Variants in KDM4C observed in about 807,000 individuals in gnomAD.
KDM4C encodes the protein lysine-specific demethylase 4C.
Under a neutral mutation model 129.3 loss-of-function variants are expected in KDM4C, and 81 were observed. That is an observed-to-expected ratio of 0.63 (90% CI 0.52 to 0.75). The LOEUF is 0.75. KDM4C is among the 30% of genes least tolerant of loss of function. The pLI, the probability that KDM4C is intolerant of heterozygous loss-of-function variation, is 0.00. For synonymous variants in KDM4C, 573 were observed against 456.1 expected, an observed-to-expected ratio of 1.26 and a Z score of -3.26; for missense variants, 1,457 against 1,304.0, an observed-to-expected ratio of 1.12 and a Z score of -1.81.
chr9:6,942,376 T>G (rs1826121507), intron 8 of KDM4C: 1 of 151,606 alleles, frequency 6.6e-6, no homozygotes. Flanking sequence ...GGTTGTAAGG[T>G]ACTGAGGCCA....
intron 12 of KDM4C, among the ~76,000 whole-genome samples, chr9:7,007,252 G>T (rs1023994186): frequency 6.6e-6 from 1 of 152,172 alleles, no homozygotes; most frequent in Non-Finnish European, 1.5e-5. Flanking sequence ...TTGTATTTAG[G>T]CTCATGGTTT....
At chr9:6,761,492 A>G (rs1819486633) in intron 1 of KDM4C, among the ~76,000 whole-genome samples, 1 of 152,004 alleles carries the variant, frequency 6.6e-6, no homozygotes, top group South Asian at 2.1e-4. Flanking sequence ...ACATGCCATC[A>G]TGCCTGGCTG....
chr9:7,030,776 A>G (rs1197126152), intron 15 of KDM4C, among the ~76,000 whole-genome samples: 2 of 152,202 alleles, frequency 1.3e-5, no homozygotes, highest in African/African-American at 4.8e-5. Flanking sequence ...TGATAGTAAT[A>G]TAGTACAACA....
At chr9:6,751,238 G>A (rs1291578627) in intron 1 of KDM4C, among the ~76,000 whole-genome samples, 2 of 152,122 alleles carry the variant, frequency 1.3e-5, no homozygotes, top group African/African-American at 4.8e-5. Context: ...TTGAGCTCAT[G>A]AGTTAGAGAC....
At chr9:6,816,666 C>A (rs1470571601) in intron 4 of KDM4C, among the ~76,000 whole-genome samples, 1 of 152,156 alleles carries the variant, frequency 6.6e-6, no homozygotes, top group African/African-American at 2.4e-5. Context: ...TTCCTTTGCC[C>A]CACATCCTCC....
At chr9:7,079,345 A>T (rs1363738385) in intron 17 of KDM4C, among the ~76,000 whole-genome samples, 1 of 152,206 alleles carries the variant, frequency 6.6e-6, no homozygotes, top group Non-Finnish European at 1.5e-5. Flanking sequence ...TTGTTTTGAG[A>T]TGGAGTCTCG....
rs954530179 is a variant in KDM4C at position 7,014,172 on chromosome 9, T to G, written c.2182+171T>G. 5.1e-6 allele frequency: 3 copies of G among 587,556 alleles called. No homozygotes were observed. The African/African-American group carries it at 5.6e-5, about 11-fold the overall frequency. The allele number at this position is 587,556 out of a possible 1,614,324, so 36.4% of individuals were successfully genotyped here. On this transcript the variant is annotated intron_variant, in intron 14 of 21. Transcript: ENST00000381309. ...GTAAAAGTATGAGTTGGTATATTCA[T>G]CCTTTTTTCACCACTTTCATGTAGT...
chr9:7,169,119 G>A (rs904106049), intron 20 of KDM4C, among the ~76,000 whole-genome samples: 5 of 149,940 alleles, frequency 3.3e-5, no homozygotes, highest in Admixed American at 6.7e-5. Context: ...TCCTTGTTAC[G>A]TTGTCAGAGC....
intron 2 of KDM4C, among the ~76,000 whole-genome samples, chr9:6,801,618 GCTCTCT>G (rs147393202): frequency 6.9e-5 from 10 of 145,598 alleles, no homozygotes; most frequent in East Asian, 6.1e-4. Flanking sequence ...GTGCAGATAT[GCTCTCT>G]CTCTCTCTCT....
chr9:6,762,215 A>C (rs921282948), intron 1 of KDM4C, among the ~76,000 whole-genome samples: 1 of 152,162 alleles, frequency 6.6e-6, no homozygotes, highest in Non-Finnish European at 1.5e-5. Flanking sequence ...CGTTGTTTAC[A>C]TAAGGTATTT....
At chr9:6,772,738 G>C (rs1044291658) in intron 1 of KDM4C, among the ~76,000 whole-genome samples, 6 of 129,310 alleles carry the variant, frequency 4.6e-5, no homozygotes, top group African/African-American at 1.8e-4. Context: ...TTTCACCCAT[G>C]CTGGAGTGAA....
intron 4 of KDM4C, among the ~76,000 whole-genome samples, chr9:6,823,179 C>T (rs1022877203): frequency 2.0e-5 from 3 of 152,188 alleles, no homozygotes; most frequent in Non-Finnish European, 2.9e-5. Flanking sequence ...TTTCCCTTTG[C>T]TGAGCGGTGA....
chr9:6,773,995 C>G (rs750941931), intron 1 of KDM4C, among the ~76,000 whole-genome samples: 1 of 152,000 alleles, frequency 6.6e-6, no homozygotes, highest in Non-Finnish European at 1.5e-5. Context: ...TCAAGCAATT[C>G]TCCTTTCTCA....
At chr9:7,122,209 A>C (rs1413938975) in intron 18 of KDM4C, among the ~76,000 whole-genome samples, 2 of 151,530 alleles carry the variant, frequency 1.3e-5, no homozygotes, top group African/African-American at 4.9e-5. Flanking sequence ...ATATGGTCTG[A>C]GCAGGAGGAA....
intron 8 of KDM4C, among the ~76,000 whole-genome samples, chr9:6,928,502 A>G (rs939989447): frequency 6.6e-6 from 1 of 151,938 alleles, no homozygotes; most frequent in Non-Finnish European, 1.5e-5. Context: ...TGTGTATCCT[A>G]CTTCCTCGTG....
chr9:7,153,110 T>C (rs1842863859), intron 19 of KDM4C, among the ~76,000 whole-genome samples: 1 of 152,198 alleles, frequency 6.6e-6, no homozygotes, highest in East Asian at 1.9e-4. Flanking sequence ...TTTTCTTCTT[T>C]TTTGTTTTAT....
At chr9:7,123,061 G>A (rs73403340) in intron 18 of KDM4C, among the ~76,000 whole-genome samples, 1,977 of 152,240 alleles carry the variant, frequency 0.013, 35 homozygotes, top group African/African-American at 0.045. Context: ...TATCAAAATA[G>A]CATTATGAAA....
chr9:6,900,062 C>G (rs965172991), intron 8 of KDM4C, among the ~76,000 whole-genome samples: 2 of 152,168 alleles, frequency 1.3e-5, no homozygotes, highest in Non-Finnish European at 2.9e-5. Context: ...GACATTGTCT[C>G]CAATATGTCA....
intron 17 of KDM4C, among the ~76,000 whole-genome samples, chr9:7,052,894 A>AGAGAGAGAGAGAGAGAGGGAGC (rs1339242817): frequency 9.5e-6 from 1 of 105,468 alleles, no homozygotes; most frequent in African/African-American, 3.5e-5. Flanking sequence ...AGAGAGAGAG[A>AGAGAGAGAGAGAGAGAGGGAGC]GAGAGAGCGA....
Sources: gnomAD v4.1 joint callset for allele counts (sites outside exome capture counted in the v4.1 genomes callset) on GRCh38, gnomAD v4.1.1 for gene constraint, MANE v1.5 for transcripts, NCBI Gene and HGNC (gene_info 2026-07-23, HGNC 2026-07-21) for gene names.